Variants in C12orf56 observed in about 807,000 individuals in gnomAD.
The protein encoded by C12orf56 is uncharacterized protein C12orf56.
A neutral mutation model predicts 69.9 loss-of-function variants in C12orf56; 71 were observed. That is an observed-to-expected ratio of 1.02 (90% CI 0.84 to 1.24). C12orf56 has a LOEUF of 1.24. Ranked by LOEUF, C12orf56 falls within the 50% of genes most tolerant of loss-of-function variation. The probability of loss-of-function intolerance (pLI) is 0.00; values close to 1 mark genes in which losing one functional copy is unlikely to be tolerated. For missense variants in C12orf56, 732 were observed against 738.5 expected (o/e 0.99, Z 0.10); for synonymous variants, 276 against 274.1 (o/e 1.01, Z -0.07).
At chr12:64,381,505 A>G (rs2039719113) in intron 1 of C12orf56, among the ~76,000 whole-genome samples, 1 of 152,194 alleles carries the variant, frequency 6.6e-6, no homozygotes, top group African/African-American at 2.4e-5. Context: ...GGCTGTTATT[A>G]TCTTTGTTTT....
intron 3 of C12orf56, among the ~76,000 whole-genome samples, chr12:64,328,946 T>G (rs905378760): frequency 6.6e-6 from 1 of 150,878 alleles, no homozygotes; most frequent in Admixed American, 6.6e-5. Context: ...GCACCTGTGA[T>G]CCCAGCTACT....
At position 64,380,130 on chromosome 12, in the gene C12orf56, A is replaced by C. The variant is rs1454733630; in HGVS notation, c.252+10184T>G. On this transcript the variant is annotated intron_variant, in intron 1 of 12. Transcript: ENST00000543942. ...AAAAAAAAAAAAAAAAAAAAAAAAA[A>C]AAAACAAAACAAACAAAAAAAAACG... 2.7e-3 allele frequency among the ~76,000 whole-genome samples: 132 copies of C among 49,364 alleles called. 2 individuals are homozygous for C. The highest frequency in any genetic ancestry group is 4.4e-3 in the African/African-American group (83 of 19,060). The allele number at this position is 49,364 out of a possible 152,430, so 32.4% of individuals were successfully genotyped here.
intron 1 of C12orf56, among the ~76,000 whole-genome samples, chr12:64,383,042 C>T (rs1027320387): frequency 4.6e-5 from 7 of 152,060 alleles, no homozygotes; most frequent in Admixed American, 2.0e-4. Context: ...TCTGGCCGGG[C>T]GCAGTGGCTC....
chr12:64,367,813 T>TC (rs1344430857), intron 1 of C12orf56, among the ~76,000 whole-genome samples: 79 of 145,504 alleles, frequency 5.4e-4, no homozygotes, highest in Non-Finnish European at 1.1e-4. Flanking sequence ...ACTCTTTCTT[T>TC]TTTTTTTTTT....
intron 1 of C12orf56, among the ~76,000 whole-genome samples, chr12:64,378,148 G>A (rs992746896): frequency 9.2e-5 from 14 of 152,184 alleles, no homozygotes; most frequent in Non-Finnish European, 1.8e-4. Flanking sequence ...TGGTCATTAA[G>A]TACTGCTCAC....
In C12orf56 at chr12:64,285,971, T is replaced by G. The variant is rs750321445; in HGVS notation, c.1203A>C (p.Gln401His). 12 of 1,603,108 alleles carry G rather than the reference T, an allele frequency of 7.5e-6. No homozygotes were observed. Among genetic ancestry groups the G allele is most frequent in the South Asian group, 1.1e-5 (1 of 89,914 alleles). ...RDKNALQNQS[Q>H]RVDELVACIE... ...GTACTTACACCAGCTCATCAACCCT[T>G]TGGCTTTGATTTTGTAGTGCATTCT... is the stretch of plus-strand genomic sequence containing the variant. The change falls in exon 7 of 13, where the codon CAA (glutamine) becomes CAC (histidine). Residue 401 changes from glutamine (Q) to histidine (H), a missense_variant. Gln to His is a conservative substitution (Grantham distance 24). Coordinates refer to ENST00000543942, the MANE Select transcript of C12orf56 (RefSeq NM_001170633.2).
chr12:64,372,989 C>T (rs957578599), intron 1 of C12orf56, among the ~76,000 whole-genome samples: 2 of 152,120 alleles, frequency 1.3e-5, no homozygotes, highest in African/African-American at 2.4e-5. Flanking sequence ...GTCATGCCCT[C>T]GACAGAATAT....
rs1312698090 is a variant in C12orf56 at position 64,390,579 on chromosome 12, A to C, written c.-14T>G. The stretch of plus-strand genomic sequence containing the variant: ...GGGGCTGGCCATGCCCGGCGCCCGC[A>C]GCGTGGCGGAGTGCTGGGACTCGAG... On this transcript the variant is annotated 5_prime_UTR_variant, in exon 1 of 13. Coordinates refer to ENST00000543942, the MANE Select transcript of C12orf56 (RefSeq NM_001170633.2). 1 of 1,545,008 alleles carries C rather than the reference A, an allele frequency of 6.5e-7. No homozygotes were observed. Among genetic ancestry groups the C allele is most frequent in the Admixed American group, 1.9e-5 (1 of 53,016 alleles).
At chr12:64,369,423 C>G (rs2039540353) in intron 1 of C12orf56, among the ~76,000 whole-genome samples, 1 of 152,094 alleles carries the variant, frequency 6.6e-6, no homozygotes, top group Admixed American at 6.5e-5. Flanking sequence ...GTCTTGAACT[C>G]CTGACTACAA....
chr12:64,371,924 T>G (rs75717190), intron 1 of C12orf56, among the ~76,000 whole-genome samples: 1 of 146,740 alleles, frequency 6.8e-6, no homozygotes, highest in Non-Finnish European at 1.5e-5. Flanking sequence ...TTTTTTTTTT[T>G]GCACGCACCA....
intron 1 of C12orf56, among the ~76,000 whole-genome samples, chr12:64,371,750 A>C (rs1338489798): frequency 2.6e-5 from 4 of 152,148 alleles, no homozygotes; most frequent in African/African-American, 9.6e-5. Context: ...GAATTGCTTG[A>C]ATCCAGGAGG....
At chr12:64,330,859 T>G (rs1217026925) in intron 3 of C12orf56, 101 bp downstream of exon 3, 9 of 947,290 alleles carry the variant, frequency 9.5e-6, no homozygotes, top group Non-Finnish European at 1.4e-5. Flanking sequence ...TAGAACTCAG[T>G]CCAAAGCCAT....
chr12:64,288,879 C>A (rs2038246358), intron 6 of C12orf56, among the ~76,000 whole-genome samples: 1 of 151,126 alleles, frequency 6.6e-6, no homozygotes, highest in African/African-American at 2.4e-5. Flanking sequence ...TTTTCCAATT[C>A]TGTGAGGAAA....
At position 64,270,687 on chromosome 12, in the gene C12orf56, G is replaced by T. The variant is rs556576427; in HGVS notation, c.1612C>A (p.Gln538Lys). Residue 538 changes from glutamine (Q) to lysine (K), a missense_variant, in exon 12 of 13, where the codon CAA (glutamine) becomes AAA (lysine). By Grantham distance (53) the Gln-to-Lys change is moderately conservative. Coordinates refer to ENST00000543942, the MANE Select transcript of C12orf56 (RefSeq NM_001170633.2). Reference protein sequence around the residue: ...IITFVASIVKQVVRGLSASFQ... With the variant: ...IITFVASIVKKVVRGLSASFQ... ...GAAGCTGAAAGACCCCTCACCACTT[G>T]TTTCACAATACTGGCCACAAAAGTA... 6.2e-7 allele frequency: 1 copy of T among 1,611,886 alleles called. No individual in the cohort carries two copies. The highest frequency in any genetic ancestry group is 1.3e-5 in the African/African-American group (1 of 74,924).
chr12:64,367,511 CTTT>C (rs929966776), intron 1 of C12orf56, among the ~76,000 whole-genome samples: 5 of 143,142 alleles, frequency 3.5e-5, no homozygotes, highest in African/African-American at 1.3e-4. Context: ...GAGAGATACT[CTTT>C]TTTTTTTTTG....
At chr12:64,331,099 G>T (rs1484937397) in intron 2 of C12orf56, 67 bp from the exon 3 acceptor site, 3 of 1,301,296 alleles carry the variant, frequency 2.3e-6, no homozygotes, top group African/African-American at 3.0e-5. Flanking sequence ...AGAAGACCTA[G>T]TCTCATGTAC....
intron 1 of C12orf56, among the ~76,000 whole-genome samples, chr12:64,365,790 T>A (rs2039463217): frequency 7.1e-6 from 1 of 141,298 alleles, no homozygotes; most frequent in African/African-American, 2.6e-5. Flanking sequence ...AAATATATAA[T>A]GTATATATTA....
chr12:64,307,184 T>A (rs888526433), intron 5 of C12orf56, among the ~76,000 whole-genome samples: 1 of 152,048 alleles, frequency 6.6e-6, no homozygotes, highest in Non-Finnish European at 1.5e-5. Context: ...AGTAAACGTA[T>A]GAAAACCTAT....
At chr12:64,381,748 A>T (rs1466838322) in intron 1 of C12orf56, among the ~76,000 whole-genome samples, 1 of 152,188 alleles carries the variant, frequency 6.6e-6, no homozygotes, top group Non-Finnish European at 1.5e-5. Context: ...GCAACAGAAA[A>T]TAGGGTCAGA....
Sources: gnomAD v4.1 joint callset for allele counts (sites outside exome capture counted in the v4.1 genomes callset) on GRCh38, gnomAD v4.1.1 for gene constraint, MANE v1.5 for transcripts, NCBI Gene and HGNC (gene_info 2026-07-23, HGNC 2026-07-21) for gene names.